Variants in NPAS3 observed in about 807,000 individuals in gnomAD.
NPAS3 encodes the protein neuronal PAS domain-containing protein 3.
A neutral mutation model predicts 73.1 loss-of-function variants in NPAS3; 14 were observed. That is an observed-to-expected ratio of 0.19 (90% confidence interval 0.13 to 0.30). The LOEUF is 0.30. NPAS3 is among the 10% of genes least tolerant of loss of function. The pLI is 1.00. For missense variants in NPAS3, 1,096 were observed against 1,250.0 expected (o/e 0.88, Z 1.86); for synonymous variants, 620 against 541.5 (o/e 1.14, Z -2.01).
intron 2 of NPAS3, among the ~76,000 whole-genome samples, chr14:33,173,898 G>A (rs1391749597): frequency 6.6e-6 from 1 of 152,132 alleles, no homozygotes; most frequent in Non-Finnish European, 1.5e-5. Flanking sequence ...GATTGTCAGA[G>A]AATTACAAAC....
intron 3 of NPAS3, among the ~76,000 whole-genome samples, chr14:33,216,632 A>G (rs1242219225): frequency 1.3e-5 from 2 of 152,208 alleles, no homozygotes; most frequent in East Asian, 1.9e-4. Flanking sequence ...TTAATGGGCT[A>G]CTCAACTCTC....
At chr14:33,264,861 C>A (rs930444172) in intron 3 of NPAS3, among the ~76,000 whole-genome samples, 1 of 152,180 alleles carries the variant, frequency 6.6e-6, no homozygotes, top group African/African-American at 2.4e-5. Context: ...TCCTCAGAGA[C>A]CAGGGACCTA....
chr14:33,661,204 C>T (rs2094323761), intron 5 of NPAS3, among the ~76,000 whole-genome samples: 1 of 151,592 alleles, frequency 6.6e-6, no homozygotes, highest in Admixed American at 6.6e-5. Context: ...AAGAAGCTGA[C>T]ATTTTTGAAA....
chr14:33,610,524 C>T (rs542442427), intron 5 of NPAS3, among the ~76,000 whole-genome samples: 1 of 152,208 alleles, frequency 6.6e-6, no homozygotes, highest in South Asian at 2.1e-4. Context: ...AACAAAATCT[C>T]TTTATGATCT....
intron 5 of NPAS3, among the ~76,000 whole-genome samples, chr14:33,561,183 A>T (rs939829555): frequency 1.3e-5 from 2 of 152,162 alleles, no homozygotes; most frequent in Non-Finnish European, 2.9e-5. Flanking sequence ...CTCTCCTTTA[A>T]AGCAGGACCT....
intron 5 of NPAS3, among the ~76,000 whole-genome samples, chr14:33,617,354 G>A (rs2057950477): frequency 1.3e-5 from 2 of 152,150 alleles, no homozygotes; most frequent in Admixed American, 1.3e-4. Context: ...AGCAGTTGAA[G>A]GCCATGGGAT....
At chr14:33,292,947 T>C (rs2042159148) in intron 3 of NPAS3, among the ~76,000 whole-genome samples, 1 of 152,172 alleles carries the variant, frequency 6.6e-6, no homozygotes, top group South Asian at 2.1e-4. Context: ...GGGGAGGTAT[T>C]CAAGTTGCAC....
intron 3 of NPAS3, among the ~76,000 whole-genome samples, chr14:33,294,657 T>C (rs75014117): frequency 1.3e-5 from 2 of 152,234 alleles, no homozygotes; most frequent in Non-Finnish European, 2.9e-5. Context: ...ATAAACTATT[T>C]AGAGTAAAAA....
intron 4 of NPAS3, among the ~76,000 whole-genome samples, chr14:33,518,787 C>A (rs2053427588): frequency 1.1e-5 from 1 of 91,976 alleles, no homozygotes; most frequent in Non-Finnish European, 2.5e-5. Flanking sequence ...TCCCCAAATA[C>A]TTCTCCTTCT....
chr14:33,062,481 A>G (rs887704156), intron 2 of NPAS3, among the ~76,000 whole-genome samples: 3 of 152,162 alleles, frequency 2.0e-5, no homozygotes, highest in Non-Finnish European at 4.4e-5. Flanking sequence ...ACCACTTGTA[A>G]TTCAAGATAA....
exon 11 of NPAS3, chr14:33,797,489 T>C (rs747759834): frequency 6.2e-7 from 1 of 1,614,194 alleles, no homozygotes; most frequent in Admixed American, 1.7e-5. Flanking sequence ...CCCATGGACA[T>C]CGCACAGCTC....
At chr14:33,803,617 G>A (rs979295210), downstream of NPAS3, 4 of 149,730 alleles carry the variant, frequency 2.7e-5, no homozygotes, top group African/African-American at 9.9e-5. Context: ...TTTTATAAAT[G>A]TTTCTGTGTT....
chr14:33,303,786 T>G (rs547006490), intron 3 of NPAS3, among the ~76,000 whole-genome samples: 1,065 of 65,138 alleles, frequency 0.016, 10 homozygotes, highest in African/African-American at 0.12. Context: ...GCAGTTATGC[T>G]GAATAAAAAG....
At chr14:33,658,080 T>C (rs899842192) in intron 5 of NPAS3, among the ~76,000 whole-genome samples, 2 of 152,274 alleles carry the variant, frequency 1.3e-5, no homozygotes, top group African/African-American at 4.8e-5. Flanking sequence ...TCTTTCACCT[T>C]TGTGGCTGCC....
In NPAS3 at chr14:33,315,535, T is replaced by A. The variant is rs1336003041; in HGVS notation, c.386-51651T>A. On this transcript the variant is annotated intron_variant, in intron 3 of 11. Transcript: ENST00000356141. ...GGGGGAGTGTGTTTGTGTGTGTGTATGTGTGTGTGGTTGGGAGGGTAGCAG... is the reference window on the plus strand; with the variant it reads ...GGGGGAGTGTGTTTGTGTGTGTGTAAGTGTGTGTGGTTGGGAGGGTAGCAG... Among the ~76,000 whole-genome samples, 3 of 151,620 alleles carry A rather than the reference T, an allele frequency of 2.0e-5. No homozygotes were observed. In the East Asian group the frequency reaches 5.8e-4, roughly 29 times the overall value.
At chr14:33,801,357 G>T, downstream of NPAS3, 1 of 646,428 alleles carries the variant, frequency 1.5e-6, no homozygotes, top group South Asian at 2.1e-5. Flanking sequence ...TAAGGTGTGT[G>T]TTGGGTTGTT....
At chr14:33,140,468 G>T (rs180821206) in intron 2 of NPAS3, among the ~76,000 whole-genome samples, 25 of 152,150 alleles carry the variant, frequency 1.6e-4, no homozygotes, top group Admixed American at 1.5e-3. Flanking sequence ...ATCCTTTCCC[G>T]TTACTCACTG....
chr14:33,010,603 G>A (rs976583210), intron 1 of NPAS3, among the ~76,000 whole-genome samples: 1 of 152,036 alleles, frequency 6.6e-6, no homozygotes, highest in Non-Finnish European at 1.5e-5. Flanking sequence ...GATATTTCTG[G>A]TTGCAAAAAC....
At chr14:33,690,801 T>C (rs984919554) in intron 6 of NPAS3, among the ~76,000 whole-genome samples, 1 of 151,584 alleles carries the variant, frequency 6.6e-6, no homozygotes. Context: ...ATTCTGCCTC[T>C]GGATATTCAG....
Sources: gnomAD v4.1 joint callset for allele counts (sites outside exome capture counted in the v4.1 genomes callset) on GRCh38, gnomAD v4.1.1 for gene constraint, MANE v1.5 for transcripts, NCBI Gene and HGNC (gene_info 2026-07-23, HGNC 2026-07-21) for gene names.